Variants in GRB14 observed in about 807,000 individuals in gnomAD.
GRB14 encodes the protein growth factor receptor bound protein 14.
Under a neutral mutation model 69.1 loss-of-function variants are expected in GRB14, and 38 were observed. The observed-to-expected ratio is 0.55, with a 90% CI of 0.42 to 0.72. GRB14 has a LOEUF of 0.72. Ranked by LOEUF, GRB14 falls within the 30% of genes least tolerant of loss-of-function variation. The probability of loss-of-function intolerance (pLI) is 0.00; values close to 1 mark genes in which losing one functional copy is unlikely to be tolerated. For missense variants in GRB14, 666 were observed against 666.1 expected (o/e 1.00, Z 0.00); for synonymous variants, 247 against 241.3 (o/e 1.02, Z -0.22).
chr2:164,503,718 T>C (rs561678564), intron 8 of GRB14, among the ~76,000 whole-genome samples: 13 of 152,332 alleles, frequency 8.5e-5, no homozygotes, highest in Admixed American at 8.5e-4. Flanking sequence ...CCTAGTCAAA[T>C]TCATTTTGGA....
At chr2:164,497,124 G>A in intron 11 of GRB14, 29 bp from the exon 12 acceptor site, 1 of 1,606,186 alleles carries the variant, frequency 6.2e-7, no homozygotes, top group South Asian at 1.1e-5. Flanking sequence ...TGAATGCAAA[G>A]CTTTGTTTGA....
In GRB14 at chr2:164,552,352, G is replaced by A. The variant is rs77410374; in HGVS notation, c.325-4536C>T. On this transcript the variant is annotated intron_variant, in intron 2 of 13. Transcript: ENST00000263915. Reference sequence around the variant, plus strand: ...ATGACTTAATACAGATATGTGGAGCGAGGGAACTTTGTACCACTTACAAAG... The same window carrying A: ...ATGACTTAATACAGATATGTGGAGCAAGGGAACTTTGTACCACTTACAAAG... Among the ~76,000 whole-genome samples, 615 of 152,286 alleles carry A rather than the reference G, an allele frequency of 4.0e-3. 1 individual carries two copies. The highest frequency in any genetic ancestry group is 6.8e-3 in the Middle Eastern group (2 of 294).
intron 2 of GRB14, among the ~76,000 whole-genome samples, chr2:164,606,047 G>C (rs141078835): frequency 6.6e-6 from 1 of 152,150 alleles, no homozygotes; most frequent in African/African-American, 2.4e-5. Context: ...TGCACATTAT[G>C]TATTCTACTC....
At chr2:164,509,360 C>A (rs1056184313) in intron 6 of GRB14, among the ~76,000 whole-genome samples, 1 of 152,100 alleles carries the variant, frequency 6.6e-6, no homozygotes, top group Admixed American at 6.6e-5. Context: ...CAGGAAGCAG[C>A]GACTCTAACT....
At chr2:164,514,357 G>A (rs1420097945) in intron 6 of GRB14, among the ~76,000 whole-genome samples, 1 of 152,118 alleles carries the variant, frequency 6.6e-6, no homozygotes, top group East Asian at 1.9e-4. Flanking sequence ...AGGGCCCCCA[G>A]AAGACAGCCA....
At chr2:164,493,603 T>TAATC (rs1686815830) in intron 13 of GRB14, among the ~76,000 whole-genome samples, 1 of 152,220 alleles carries the variant, frequency 6.6e-6, no homozygotes, top group African/African-American at 2.4e-5. Context: ...TATTCTGAAG[T>TAATC]AATCACATAT....
At chr2:164,514,305 A>G (rs1021370911) in intron 6 of GRB14, among the ~76,000 whole-genome samples, 1 of 152,184 alleles carries the variant, frequency 6.6e-6, no homozygotes, top group African/African-American at 2.4e-5. Context: ...AGGAAAGCCA[A>G]CAGAATCCAC....
chr2:164,610,711 A>G (rs1690146971), intron 2 of GRB14, among the ~76,000 whole-genome samples: 1 of 152,006 alleles, frequency 6.6e-6, no homozygotes, highest in Admixed American at 6.5e-5. Flanking sequence ...CCATTTACTC[A>G]TTCATTCTTT....
intron 6 of GRB14, among the ~76,000 whole-genome samples, chr2:164,512,927 T>C (rs1281809593): frequency 6.6e-6 from 1 of 152,218 alleles, no homozygotes; most frequent in Non-Finnish European, 1.5e-5. Context: ...ATTTGTCTTC[T>C]AAGAGAGTTA....
intron 2 of GRB14, among the ~76,000 whole-genome samples, chr2:164,556,548 A>AT (rs1220111197): frequency 2.6e-5 from 4 of 151,732 alleles, no homozygotes; most frequent in African/African-American, 9.7e-5. Context: ...CCAATCCTAC[A>AT]TTTTTTTCTG....
intron 8 of GRB14, among the ~76,000 whole-genome samples, chr2:164,508,092 C>T (rs1298588430): frequency 6.6e-6 from 1 of 152,120 alleles, no homozygotes; most frequent in Non-Finnish European, 1.5e-5. Flanking sequence ...AGGGTGGGCA[C>T]ATTTTAAAAT....
intron 2 of GRB14, among the ~76,000 whole-genome samples, chr2:164,604,853 C>T (rs1473553219): frequency 2.0e-5 from 3 of 151,766 alleles, no homozygotes; most frequent in East Asian, 1.9e-4. Flanking sequence ...TGCGAGGGGC[C>T]GAGACGGAGA....
chr2:164,522,322 T>C lies in GRB14; in HGVS notation c.679-205A>G, dbSNP rs565289399. Among the ~76,000 whole-genome samples, 21 of 152,194 alleles carry C rather than the reference T, an allele frequency of 1.4e-4. 1 individual carries two copies. The highest frequency in any genetic ancestry group is 4.6e-4 in the African/African-American group (19 of 41,556). Reference sequence around the variant, plus strand: ...TATCTCTCTCCTCTGTCTCTCTTTCTATCTCCGTGTGTGTATACACACACA... The same window carrying C: ...TATCTCTCTCCTCTGTCTCTCTTTCCATCTCCGTGTGTGTATACACACACA... On this transcript the variant is annotated intron_variant, in intron 5 of 13. Coordinates refer to ENST00000263915, the MANE Select transcript of GRB14 (RefSeq NM_004490.3).
At chr2:164,598,384 T>C (rs1574345112) in intron 2 of GRB14, among the ~76,000 whole-genome samples, 1 of 152,346 alleles carries the variant, frequency 6.6e-6, no homozygotes, top group East Asian at 1.9e-4. Context: ...ATTTTTGGCA[T>C]ACAAATTGCC....
chr2:164,552,587 T>A (rs2105314952), intron 2 of GRB14, among the ~76,000 whole-genome samples: 1 of 152,268 alleles, frequency 6.6e-6, no homozygotes, highest in African/African-American at 2.4e-5. Flanking sequence ...GTTTTTGAAG[T>A]CATTGAGGCT....
chr2:164,573,306 G>C (rs1330237924), intron 2 of GRB14, among the ~76,000 whole-genome samples: 2 of 152,182 alleles, frequency 1.3e-5, no homozygotes, highest in Admixed American at 1.3e-4. Flanking sequence ...AATGTGGAAA[G>C]ACTAGTCACT....
chr2:164,578,522 G>GCGCACACACA (rs113742280), intron 2 of GRB14, among the ~76,000 whole-genome samples: 1 of 145,588 alleles, frequency 6.9e-6, no homozygotes, highest in Non-Finnish European at 1.5e-5. Context: ...CAATTCGCGC[G>GCGCACACACA]CACACACACA....
In GRB14 at chr2:164,619,702, A is replaced by T. The variant is rs1279092720; in HGVS notation, c.309T>A (p.Asn103Lys). ...VLSADLFPKANSRKKQVIKVY... is the reference protein window; with the variant it reads ...VLSADLFPKAKSRKKQVIKVY... ...AAATGCATACCTGTTTTTTCCTTGA[A>T]TTTGCTTTGGGAAATAGGTCTGCTG... Residue 103 changes from asparagine to lysine, a missense_variant, in exon 2 of 14, where the codon AAT becomes AAA. Physicochemically the swap from Asn to Lys is moderately conservative, Grantham distance 94 (BLOSUM62 0). Transcript: ENST00000263915. The T allele has an allele frequency of 4.4e-6, 7 of 1,577,000 alleles. No individual in the cohort carries two copies. The highest frequency in any genetic ancestry group is 1.2e-5 in the South Asian group (1 of 84,754).
At chr2:164,563,169 A>G (rs912730732) in intron 2 of GRB14, among the ~76,000 whole-genome samples, 3 of 152,076 alleles carry the variant, frequency 2.0e-5, no homozygotes, top group Non-Finnish European at 2.9e-5. Flanking sequence ...CTCTCTCCCC[A>G]CTTATTACCA....
Sources: allele counts gnomAD v4.1 joint callset (sites outside exome capture counted in the v4.1 genomes callset), GRCh38; gene constraint gnomAD v4.1.1; transcripts MANE v1.5; gene names NCBI Gene and HGNC (gene_info 2026-07-23, HGNC 2026-07-21).